IGSF21: variants seen among roughly 807,000 people sequenced by gnomAD.
The protein encoded by IGSF21 is immunoglobulin superfamily member 21.
In IGSF21, 28 loss-of-function variants were observed where a neutral mutation model predicts 46.8. That is an observed-to-expected ratio of 0.60 (90% confidence interval 0.44 to 0.82). The LOEUF (loss-of-function observed/expected upper bound fraction) is 0.82, where lower values mean the gene tolerates loss of function less well. Ranked by LOEUF, IGSF21 falls within the 40% of genes least tolerant of loss-of-function variation. The pLI, the probability that IGSF21 is intolerant of heterozygous loss-of-function variation, is 0.00. For synonymous variants in IGSF21, 284 were observed against 273.6 expected (o/e 1.04, Z -0.38); for missense variants, 624 against 665.5 (o/e 0.94, Z 0.69).
intron 1 of IGSF21, among the ~76,000 whole-genome samples, chr1:18,155,172 A>G (rs1208829838): frequency 6.6e-6 from 1 of 151,818 alleles, no homozygotes; most frequent in Non-Finnish European, 1.5e-5. Flanking sequence ...GGATTTTGTC[A>G]CTTGCCTTTG....
chr1:18,310,035 C>T (rs1328958355), intron 3 of IGSF21, among the ~76,000 whole-genome samples: 1 of 152,176 alleles, frequency 6.6e-6, no homozygotes, highest in Non-Finnish European at 1.5e-5. Flanking sequence ...CTTTACACAC[C>T]ACTAAAGATC....
chr1:18,147,299 C>T (rs2086479303), intron 1 of IGSF21, among the ~76,000 whole-genome samples: 1 of 152,174 alleles, frequency 6.6e-6, no homozygotes, highest in Admixed American at 6.5e-5. Flanking sequence ...TCTCCCACCT[C>T]ACCCTGTTTG....
chr1:18,161,367 C>T (rs1183675308), intron 1 of IGSF21, among the ~76,000 whole-genome samples: 3 of 152,082 alleles, frequency 2.0e-5, no homozygotes, highest in Non-Finnish European at 4.4e-5. Context: ...CTGTGAATGA[C>T]CCTTGGAGAT....
intron 4 of IGSF21, among the ~76,000 whole-genome samples, chr1:18,353,630 G>T (rs1489834694): frequency 1.3e-5 from 2 of 152,122 alleles, no homozygotes; most frequent in South Asian, 2.1e-4. Flanking sequence ...AGATTGAGGG[G>T]TGACATTTGA....
At chr1:18,137,660 G>A (rs940816463) in intron 1 of IGSF21, among the ~76,000 whole-genome samples, 1 of 152,102 alleles carries the variant, frequency 6.6e-6, no homozygotes, top group Non-Finnish European at 1.5e-5. Flanking sequence ...CATAGAGAAA[G>A]TTCATAACTC....
At chr1:18,169,468 C>T (rs2086713732) in intron 1 of IGSF21, among the ~76,000 whole-genome samples, 1 of 152,216 alleles carries the variant, frequency 6.6e-6, no homozygotes, top group Admixed American at 6.5e-5. Context: ...CTGCTCTTTC[C>T]AATTCACAAG....
At chr1:18,122,567 T>A (rs899822419) in intron 1 of IGSF21, among the ~76,000 whole-genome samples, 2 of 152,098 alleles carry the variant, frequency 1.3e-5, no homozygotes, top group Admixed American at 6.6e-5. Context: ...TTTTTTGGCT[T>A]GTCTGGTTCC....
chr1:18,287,414 C>A (rs1269858714), intron 2 of IGSF21, among the ~76,000 whole-genome samples: 5 of 150,602 alleles, frequency 3.3e-5, no homozygotes, highest in Non-Finnish European at 7.4e-5. Context: ...AACAAACAAA[C>A]AAAACAAAAA....
intron 1 of IGSF21, among the ~76,000 whole-genome samples, chr1:18,192,826 C>T (rs1194201622): frequency 1.3e-5 from 2 of 152,030 alleles, no homozygotes; most frequent in Admixed American, 6.5e-5. Flanking sequence ...GAGAATTAAA[C>T]AAGAAAATAA....
intron 6 of IGSF21, among the ~76,000 whole-genome samples, chr1:18,372,654 ATGTTTGGATGGG>A (rs1400771680): frequency 4.4e-5 from 6 of 136,252 alleles, no homozygotes; most frequent in African/African-American, 1.1e-4. Flanking sequence ...GGATGGATGG[ATGTTTGGATGGG>A]TGGATGGAGG....
intron 1 of IGSF21, among the ~76,000 whole-genome samples, chr1:18,218,491 C>A (rs183867928): frequency 6.6e-6 from 1 of 152,334 alleles, no homozygotes; most frequent in Non-Finnish European, 1.5e-5. Context: ...AGCCTCATTT[C>A]ATCTTTCACT....
chr1:18,347,656 G>A (rs148897651), intron 4 of IGSF21, among the ~76,000 whole-genome samples: 2 of 152,298 alleles, frequency 1.3e-5, no homozygotes, highest in African/African-American at 2.4e-5. Flanking sequence ...CCCTGAGCTC[G>A]GGAGGGAAGC....
chr1:18,245,523 C>T (rs1217835415), intron 2 of IGSF21, among the ~76,000 whole-genome samples: 1 of 152,080 alleles, frequency 6.6e-6, no homozygotes, highest in Non-Finnish European at 1.5e-5. Context: ...TTTTTTGTGG[C>T]TTTATCTTGC....
intron 2 of IGSF21, among the ~76,000 whole-genome samples, chr1:18,258,654 A>C (rs938883827): frequency 6.6e-6 from 1 of 152,228 alleles, no homozygotes; most frequent in Admixed American, 6.5e-5. Context: ...TCAGACCTGC[A>C]TTCAAAGCTT....
chr1:18,341,792 A>G (rs948087760), intron 4 of IGSF21, among the ~76,000 whole-genome samples: 15 of 152,192 alleles, frequency 9.9e-5, no homozygotes, highest in Admixed American at 7.2e-4. Context: ...ATTGGTACAC[A>G]TTAATAAAAT....
At chr1:18,345,615 C>T (rs2085884769) in intron 4 of IGSF21, among the ~76,000 whole-genome samples, 1 of 152,146 alleles carries the variant, frequency 6.6e-6, no homozygotes, top group African/African-American at 2.4e-5. Context: ...AACTCCTGAC[C>T]TCAGATGATC....
chr1:18,297,203 A>C (rs1161959488), intron 3 of IGSF21, among the ~76,000 whole-genome samples: 2 of 152,088 alleles, frequency 1.3e-5, no homozygotes, highest in East Asian at 1.9e-4. Flanking sequence ...GACAGCACCC[A>C]ACCCTGGGCA....
chr1:18,358,488 T>C (rs568600290), intron 4 of IGSF21, among the ~76,000 whole-genome samples: 33 of 152,320 alleles, frequency 2.2e-4, no homozygotes, highest in Non-Finnish European at 4.1e-4. Flanking sequence ...TTTCAGGTGC[T>C]CCCCAGCCAC....
intron 4 of IGSF21, among the ~76,000 whole-genome samples, chr1:18,351,407 G>A (rs1034447779): frequency 6.6e-6 from 1 of 152,170 alleles, no homozygotes; most frequent in Non-Finnish European, 1.5e-5. Flanking sequence ...CCAGGCCCTA[G>A]GCCTTCAAGG....
Sources: gnomAD v4.1 joint callset for allele counts (sites outside exome capture counted in the v4.1 genomes callset) on GRCh38, gnomAD v4.1.1 for gene constraint, MANE v1.5 for transcripts, NCBI Gene and HGNC (gene_info 2026-07-23, HGNC 2026-07-21) for gene names.